Variants in MMD2 observed in about 807,000 individuals in gnomAD.
The protein encoded by MMD2 is monocyte to macrophage differentiation associated 2, also known as monocyte to macrophage differentiation factor 2.
MMD2 carries 30 observed loss-of-function variants against 33.5 expected under a neutral mutation model. That is an observed-to-expected ratio of 0.90 (90% CI 0.67 to 1.22). MMD2 has a LOEUF of 1.22. MMD2 is among the 50% of genes most tolerant of loss of function. MMD2 has a pLI of 0.00. For synonymous variants in MMD2, 129 were observed against 123.0 expected (o/e 1.05, Z -0.32); for missense variants, 364 against 325.4 (o/e 1.12, Z -0.91).
At chr7:4,921,817 A>G (rs893115008) in intron 2 of MMD2, among the ~76,000 whole-genome samples, 1 of 152,266 alleles carries the variant, frequency 6.6e-6, no homozygotes, top group South Asian at 2.1e-4. Flanking sequence ...CCAGAATGGG[A>G]TGGCTCCTTA....
intron 2 of MMD2, 147 bp downstream of exon 2, chr7:4,925,304 C>T (rs979474338): frequency 1.9e-6 from 1 of 518,688 alleles, no homozygotes. Flanking sequence ...GGCCTTCCCT[C>T]GAGACGCCAC....
intron 3 of MMD2, 127 bp from the exon 4 acceptor site, chr7:4,916,206 C>G: frequency 1.3e-6 from 1 of 769,508 alleles, no homozygotes; most frequent in South Asian, 1.7e-5. Context: ...CTCTGTCCAG[C>G]CAAGACCCCT....
chr7:4,912,296 C>T (rs7807324), intron 4 of MMD2, among the ~76,000 whole-genome samples: 2 of 151,890 alleles, frequency 1.3e-5, no homozygotes, highest in African/African-American at 2.4e-5. Context: ...CGGTGGCTCA[C>T]GCCTGTAATC....
intron 1 of MMD2, among the ~76,000 whole-genome samples, chr7:4,955,142 C>T (rs1468190279): frequency 1.3e-5 from 2 of 152,200 alleles, no homozygotes; most frequent in Non-Finnish European, 2.9e-5. Flanking sequence ...CGGGCACGTG[C>T]TACCACACAC....
At chr7:4,919,234 C>T (rs1219802998) in intron 3 of MMD2, among the ~76,000 whole-genome samples, 1 of 152,178 alleles carries the variant, frequency 6.6e-6, no homozygotes, top group African/African-American at 2.4e-5. Flanking sequence ...GTCGTGACCA[C>T]CCTGCAGCCA....
chr7:4,907,678 C>G, intron 6 of MMD2, 79 bp from the exon 7 acceptor site: 1 of 1,450,668 alleles, frequency 6.9e-7, no homozygotes, highest in South Asian at 1.2e-5. Context: ...TCCCCACCAC[C>G]CAAAACCAAA....
At chr7:4,930,658 G>T (rs59053344) in intron 1 of MMD2, among the ~76,000 whole-genome samples, 7 of 144,486 alleles carry the variant, frequency 4.8e-5, no homozygotes, top group Non-Finnish European at 7.5e-5. Flanking sequence ...AAAAAAAAGA[G>T]GAAAGAGACA....
chr7:4,959,043 C>T lies in MMD2; in HGVS notation c.-26G>A, dbSNP rs1786468084. 2 of 1,254,468 alleles carry T rather than the reference C, an allele frequency of 1.6e-6. No individual in the cohort carries two copies. The highest frequency in any genetic ancestry group is 2.0e-6 in the Non-Finnish European group (2 of 991,396). 77.7% of individuals were successfully genotyped at this position (1,254,468 alleles called of 1,614,324 possible). A position where few individuals can be genotyped will look rare whatever the true frequency, so the allele number is the denominator to read the frequency against. ...CGCGGCGCTTCCATGGGAATCTGGCCCCGGGCTCAGAGCGCGGGTAGCTGG... is the reference window on the plus strand; with the variant it reads ...CGCGGCGCTTCCATGGGAATCTGGCTCCGGGCTCAGAGCGCGGGTAGCTGG... On this transcript the variant is annotated 5_prime_UTR_variant, in exon 1 of 7. Transcript: ENST00000401401.
chr7:4,952,531 C>T (rs971322412), intron 1 of MMD2, among the ~76,000 whole-genome samples: 1 of 152,180 alleles, frequency 6.6e-6, no homozygotes, highest in Non-Finnish European at 1.5e-5. Context: ...ATCAGCCCAT[C>T]GTTTATTTGG....
chr7:4,910,942 C>T (rs1784990854), intron 5 of MMD2, among the ~76,000 whole-genome samples: 4 of 152,246 alleles, frequency 2.6e-5, no homozygotes, highest in Admixed American at 2.6e-4. Flanking sequence ...GCCTGGCCAC[C>T]TATGATGTCT....
downstream of MMD2, among the ~76,000 whole-genome samples, chr7:4,903,072 T>C (rs1201119440): frequency 6.6e-6 from 1 of 152,126 alleles, no homozygotes; most frequent in Non-Finnish European, 1.5e-5. Context: ...ACCCTGTCTC[T>C]ACTAAAAATA....
intron 1 of MMD2, among the ~76,000 whole-genome samples, chr7:4,932,475 G>T (rs757214664): frequency 6.6e-6 from 1 of 151,892 alleles, no homozygotes; most frequent in Non-Finnish European, 1.5e-5. Context: ...TGACAAATAC[G>T]GAGAGTCCTG....
At chr7:4,909,827 G>C (rs767022624) in intron 6 of MMD2, 54 bp downstream of exon 6, 2 of 1,568,710 alleles carry the variant, frequency 1.3e-6, no homozygotes, top group South Asian at 2.3e-5. Context: ...GGTCCAGCTC[G>C]GACACTCTTG....
chr7:4,902,753 G>A (rs977015054), downstream of MMD2, among the ~76,000 whole-genome samples: 2 of 152,150 alleles, frequency 1.3e-5, no homozygotes, highest in African/African-American at 4.8e-5. Flanking sequence ...TGTACATGGT[G>A]GCAAATTTGA....
At chr7:4,900,074 G>A in the MMD2 span, among the ~76,000 whole-genome samples, 3 of 152,082 alleles carry the variant, frequency 2.0e-5, no homozygotes. Flanking sequence ...GGCCGAGGTG[G>A]GCGGATCACT....
At chr7:4,921,837 C>T (rs948776249) in intron 2 of MMD2, among the ~76,000 whole-genome samples, 2 of 152,130 alleles carry the variant, frequency 1.3e-5, no homozygotes, top group Non-Finnish European at 2.9e-5. Flanking sequence ...AATAAGAGGC[C>T]TTCAGCCACC....
intron 1 of MMD2, among the ~76,000 whole-genome samples, chr7:4,934,897 G>T (rs138478805): frequency 6.6e-6 from 1 of 151,958 alleles, no homozygotes; most frequent in East Asian, 1.9e-4. Context: ...TAAAGAATAC[G>T]GTTTAAGGCC....
At chr7:4,948,425 A>G (rs887443368) in intron 1 of MMD2, among the ~76,000 whole-genome samples, 1 of 152,142 alleles carries the variant, frequency 6.6e-6, no homozygotes, top group Non-Finnish European at 1.5e-5. Context: ...CGGGAGGCTG[A>G]GGCAGGAGAA....
At chr7:4,920,703 TCCCTC>T (rs1785259926) in intron 2 of MMD2, among the ~76,000 whole-genome samples, 1 of 69,028 alleles carries the variant, frequency 1.4e-5, no homozygotes, top group Non-Finnish European at 3.0e-5. Flanking sequence ...CCTCCCTCCC[TCCCTC>T]CCTCCCTCCC....
Sources: allele counts gnomAD v4.1 joint callset (sites outside exome capture counted in the v4.1 genomes callset), GRCh38; gene constraint gnomAD v4.1.1; transcripts MANE v1.5; gene names NCBI Gene and HGNC (gene_info 2026-07-23, HGNC 2026-07-21).